Variants in MRAP2 observed in about 807,000 individuals in gnomAD.
The protein encoded by MRAP2 is melanocortin-2 receptor accessory protein 2.
In MRAP2, 20 loss-of-function variants were observed where a neutral mutation model predicts 17.4. That is an observed-to-expected ratio of 1.15 (90% CI 0.81 to 1.67). The LOEUF (loss-of-function observed/expected upper bound fraction) is 1.67, where lower values mean the gene tolerates loss of function less well. MRAP2 is among the 40% of genes most tolerant of loss of function. MRAP2 has a pLI of 0.00. For missense variants in MRAP2, 238 were observed against 240.0 expected (o/e 0.99, Z 0.05); for synonymous variants, 96 against 88.4 (o/e 1.09, Z -0.48).
At chr6:84,142,454 A>G in the MRAP2 span, among the ~76,000 whole-genome samples, 4 of 152,068 alleles carry the variant, frequency 2.6e-5, no homozygotes, top group South Asian at 8.3e-4. Context: ...TTTGGACGGT[A>G]TTGTCAAAAG....
At chr6:84,034,181 G>A (rs2099485325) in intron 1 of MRAP2, among the ~76,000 whole-genome samples, 2 of 152,004 alleles carry the variant, frequency 1.3e-5, no homozygotes. Flanking sequence ...GCTTGGGTGG[G>A]CTTCCTCCCC....
intron 1 of MRAP2, among the ~76,000 whole-genome samples, chr6:84,050,155 G>A (rs906881095): frequency 5.3e-5 from 8 of 152,010 alleles, no homozygotes; most frequent in Admixed American, 2.6e-4. Flanking sequence ...AAAAATCCAC[G>A]CCCCAGGAAA....
At chr6:84,104,433 T>G in the MRAP2 span, among the ~76,000 whole-genome samples, 1 of 152,186 alleles carries the variant, frequency 6.6e-6, no homozygotes, top group South Asian at 2.1e-4. Flanking sequence ...CTGGCTTGAA[T>G]TTCTCCTCAG....
At chr6:84,088,857 G>A (rs953099777) in intron 3 of MRAP2, among the ~76,000 whole-genome samples, 2 of 152,190 alleles carry the variant, frequency 1.3e-5, no homozygotes, top group Non-Finnish European at 2.9e-5. Context: ...CAAGGTGTCT[G>A]TTTTCGGGAT....
At chr6:84,083,314 A>G (rs2099499483) in intron 3 of MRAP2, among the ~76,000 whole-genome samples, 2 of 152,346 alleles carry the variant, frequency 1.3e-5, no homozygotes, top group South Asian at 4.1e-4. Context: ...ATAGAAACTG[A>G]GATATTAGAC....
At chr6:84,060,027 C>G (rs1459194086) in intron 2 of MRAP2, among the ~76,000 whole-genome samples, 1 of 152,038 alleles carries the variant, frequency 6.6e-6, no homozygotes, top group Non-Finnish European at 1.5e-5. Context: ...GAGAAAATCC[C>G]CTGGGGATGG....
At chr6:84,042,569 G>A (rs1419548473) in intron 1 of MRAP2, among the ~76,000 whole-genome samples, 1 of 152,204 alleles carries the variant, frequency 6.6e-6, no homozygotes, top group Non-Finnish European at 1.5e-5. Context: ...GGGACTATTT[G>A]GGACCCTTAG....
intron 1 of MRAP2, among the ~76,000 whole-genome samples, chr6:84,038,545 G>A (rs1292072256): frequency 1.3e-5 from 2 of 151,904 alleles, no homozygotes; most frequent in Admixed American, 1.3e-4. Context: ...AGGCTGGAGT[G>A]CAGTGGCATG....
chr6:84,051,872 G>A (rs1307616071), intron 1 of MRAP2, among the ~76,000 whole-genome samples: 4 of 152,134 alleles, frequency 2.6e-5, no homozygotes, highest in Non-Finnish European at 5.9e-5. Context: ...AGAGGTGTCT[G>A]GGCCTGCTCA....
intron 3 of MRAP2, among the ~76,000 whole-genome samples, chr6:84,071,906 G>A (rs2099496286): frequency 6.6e-6 from 1 of 152,094 alleles, no homozygotes; most frequent in South Asian, 2.1e-4. Flanking sequence ...TTCTATAAGT[G>A]TGTCCAATGT....
At chr6:84,048,216 A>G (rs532862235) in intron 1 of MRAP2, among the ~76,000 whole-genome samples, 1 of 152,240 alleles carries the variant, frequency 6.6e-6, no homozygotes, top group African/African-American at 2.4e-5. Context: ...CAGCGGCTGT[A>G]CCTTTTTACC....
chr6:84,060,494 G>A (rs1179497728), intron 2 of MRAP2, among the ~76,000 whole-genome samples: 2 of 152,144 alleles, frequency 1.3e-5, no homozygotes, highest in South Asian at 2.1e-4. Context: ...ATTCTAAACC[G>A]AAGACTTAAA....
At chr6:84,124,604 G>A in the MRAP2 span, 10 of 179,164 alleles carry the variant, frequency 5.6e-5, no homozygotes, top group South Asian at 1.2e-3. Flanking sequence ...GGCAGTAAGC[G>A]TTGAAAAATT....
chr6:84,049,750 A>C (rs2497151), intron 1 of MRAP2, among the ~76,000 whole-genome samples: 22,509 of 152,096 alleles, frequency 0.15, 3,673 homozygotes, highest in African/African-American at 0.4. Context: ...ACTTTTGGTT[A>C]GCTGTCTTGC....
the MRAP2 span, among the ~76,000 whole-genome samples, chr6:84,105,286 A>G: frequency 1.3e-5 from 2 of 152,158 alleles, no homozygotes; most frequent in East Asian, 1.9e-4. Flanking sequence ...CATGCCTGAG[A>G]CTGGGCAATT....
At position 84,033,834 on chromosome 6, in the gene MRAP2, G is replaced by A. The variant is rs2099485196; in HGVS notation, c.-57G>A. ...GGCGGCGCTCGCGCACCTCGGAGGA[G>A]CCAGGAGCCGGAACCAGGGCCGAGC... is the stretch of plus-strand genomic sequence containing the variant. On this transcript the variant is annotated 5_prime_UTR_variant, in exon 1 of 4. Transcript: ENST00000257776. 2.0e-5 allele frequency: 20 copies of A among 987,070 alleles called. 1 individual carries two copies. In the South Asian group the frequency reaches 7.7e-4, roughly 38 times the overall value. The allele number at this position is 987,070 out of a possible 1,614,324, so 61.1% of individuals were successfully genotyped here.
At chr6:84,107,092 T>C in the MRAP2 span, among the ~76,000 whole-genome samples, 4 of 152,136 alleles carry the variant, frequency 2.6e-5, no homozygotes, top group African/African-American at 4.8e-5. Context: ...TCAAGCACCA[T>C]TGGATCTGCT....
chr6:84,053,070 T>C (rs958821170), intron 1 of MRAP2, among the ~76,000 whole-genome samples: 2 of 152,296 alleles, frequency 1.3e-5, no homozygotes, highest in African/African-American at 4.8e-5. Context: ...ACTGGTCTTG[T>C]GGAACCTGGT....
At chr6:84,130,314 T>A in the MRAP2 span, among the ~76,000 whole-genome samples, 1 of 152,110 alleles carries the variant, frequency 6.6e-6, no homozygotes, top group South Asian at 2.1e-4. Flanking sequence ...TGGCCTGAAA[T>A]TTTCTTTTTT....
Sources: allele counts gnomAD v4.1 joint callset (sites outside exome capture counted in the v4.1 genomes callset), GRCh38; gene constraint gnomAD v4.1.1; transcripts MANE v1.5; gene names NCBI Gene and HGNC (gene_info 2026-07-23, HGNC 2026-07-21).